The following CASR variants were observed in gnomAD, a reference collection of about 807,000 sequenced individuals.
The protein encoded by CASR is calcium sensing receptor, also known as extracellular calcium-sensing receptor.
CASR carries 23 observed loss-of-function variants against 69.1 expected under a neutral mutation model. The ratio of observed to expected loss-of-function variants is 0.33; its 90% CI spans 0.24 to 0.47. CASR has a LOEUF of 0.47. Among genes scored for constraint, CASR ranks in the 20% least tolerant of loss-of-function variants. The pLI, the probability that CASR is intolerant of heterozygous loss-of-function variation, is 1.00. For missense variants in CASR, 924 were observed against 1,356.1 expected (o/e 0.68, Z 5.00); for synonymous variants, 541 against 544.7 (o/e 0.99, Z 0.10).
At chr3:122,254,996 T>C (rs1221903487) in intron 2 of CASR, among the ~76,000 whole-genome samples, 5 of 131,680 alleles carry the variant, frequency 3.8e-5, no homozygotes, top group East Asian at 2.4e-4. Flanking sequence ...TGCATCTCAC[T>C]CTCTCAATAG....
rs752953216 is a variant in CASR at position 122,284,351 on chromosome 3, G to C, written c.2397G>C (p.Glu799Asp). The C allele has an allele frequency of 6.2e-7, 1 of 1,614,080 alleles. No individual in the cohort carries two copies. The highest frequency in any genetic ancestry group is 8.5e-7 in the Non-Finnish European group (1 of 1,180,028). The change falls in exon 7 of 7, where the codon GAG (glutamate) becomes GAC (aspartate). Residue 799 changes from glutamate to aspartate, a missense_variant. Glu to Asp is a conservative substitution (Grantham distance 45, BLOSUM62 2). Transcript: ENST00000639785. The part of the protein sequence containing the change: ...FFAFKSRKLP[E>D]NFNEAKFITF... ...CCTTCAAGTCCCGGAAGCTGCCGGA[G>C]AACTTCAATGAAGCCAAGTTCATCA...
chr3:122,225,050 A>G (rs896055398), intron 1 of CASR, among the ~76,000 whole-genome samples: 5 of 152,172 alleles, frequency 3.3e-5, no homozygotes, highest in Non-Finnish European at 7.4e-5. Context: ...TCCTTTCACC[A>G]TATACAAAAA....
intron 1 of CASR, among the ~76,000 whole-genome samples, chr3:122,240,387 T>A (rs1425152929): frequency 6.6e-6 from 1 of 152,194 alleles, no homozygotes; most frequent in African/African-American, 2.4e-5. Context: ...GGACTAGCTA[T>A]ACTTATATCA....
intron 4 of CASR, among the ~76,000 whole-genome samples, chr3:122,267,340 A>G (rs538891861): frequency 6.6e-6 from 1 of 152,366 alleles, no homozygotes; most frequent in South Asian, 2.1e-4. Context: ...TTTTGAGTAG[A>G]AAATATTCCA....
chr3:122,258,222 T>C (rs555138910), intron 3 of CASR, among the ~76,000 whole-genome samples: 14 of 152,338 alleles, frequency 9.2e-5, no homozygotes, highest in South Asian at 4.1e-4. Flanking sequence ...GAGAATCAGC[T>C]CAATTGTGAT....
Position 122,285,414 on chromosome 3 carries a change from A to ACC in CASR, c.*223_*224insCC. 3 of 498,426 alleles carry ACC rather than the reference A, an allele frequency of 6.0e-6. No individual in the cohort carries two copies. Among genetic ancestry groups the ACC allele is most frequent in the Non-Finnish European group, 3.6e-6 (1 of 274,412 alleles). The allele number at this position is 498,426 out of a possible 1,614,324, so 30.9% of individuals were successfully genotyped here. A position where few individuals can be genotyped will look rare whatever the true frequency, so the allele number is the denominator to read the frequency against. On this transcript the variant is annotated 3_prime_UTR_variant, in exon 7 of 7. Transcript: ENST00000639785. ...TGTGTTTCTGTGGTTGCATTTGTCA[A>ACC]AGCATTGAGATCTCCACGGTCAGAT...
At chr3:122,273,556 A>G (rs1307629679) in intron 4 of CASR, among the ~76,000 whole-genome samples, 2 of 152,132 alleles carry the variant, frequency 1.3e-5, no homozygotes, top group Admixed American at 1.3e-4. Context: ...TGGAAACTCT[A>G]TGATTAGGAT....
chr3:122,203,865 T>TG (rs1440760213), intron 1 of CASR, among the ~76,000 whole-genome samples: 1 of 152,250 alleles, frequency 6.6e-6, no homozygotes. Flanking sequence ...TTGTAGTGTA[T>TG]GACTATATTT....
At chr3:122,199,266 G>T (rs2107585769) in intron 1 of CASR, among the ~76,000 whole-genome samples, 1 of 152,322 alleles carries the variant, frequency 6.6e-6, no homozygotes, top group South Asian at 2.1e-4. Flanking sequence ...TCCACTGCAA[G>T]TTCTTCCTCT....
At chr3:122,204,858 C>T (rs2073991412) in intron 1 of CASR, among the ~76,000 whole-genome samples, 1 of 152,010 alleles carries the variant, frequency 6.6e-6, no homozygotes, top group Admixed American at 6.5e-5. Context: ...TACTTGTCAA[C>T]CATTTGTATG....
At chr3:122,190,444 C>T (rs4678031) in intron 1 of CASR, among the ~76,000 whole-genome samples, 26,150 of 152,148 alleles carry the variant, frequency 0.17, 2,336 homozygotes, top group African/African-American at 0.2. Context: ...ATTAGACTAC[C>T]CGAGCTTGTA....
rs761519187 is a variant in CASR at position 122,257,350 on chromosome 3, C to T, written c.455C>T (p.Ala152Val). 4.3e-6 allele frequency: 7 copies of T among 1,614,010 alleles called. No individual in the cohort carries two copies. The East Asian group carries it at 1.1e-4, about 26-fold the overall frequency. ...VGATGSGVSTAVANLLGLFYI... is the reference protein window; with the variant it reads ...VGATGSGVSTVVANLLGLFYI... ...GCAACTGGCTCAGGCGTCTCCACGG[C>T]AGTGGCAAATCTGCTGGGGCTCTTC... Residue 152 changes from alanine to valine, a missense_variant, in exon 3 of 7, where the codon GCA becomes GTA. This residue lies in a region of CASR where 141 missense variants were observed against 283.0 expected (regional missense o/e 0.50). Coordinates refer to ENST00000639785, the MANE Select transcript of CASR (RefSeq NM_000388.4).
Position 122,254,205 on chromosome 3 carries a change from T to A in CASR, c.16T>A (p.Cys6Ser). The A allele has an allele frequency of 6.2e-7, 1 of 1,613,218 alleles. No homozygotes were observed. Among genetic ancestry groups the A allele is most frequent in the Non-Finnish European group, 8.5e-7 (1 of 1,180,018 alleles). ...CGGCAGAACCATGGCATTTTATAGC[T>A]GCTGCTGGGTCCTCTTGGCACTCAC... The part of the protein sequence containing the change: MAFYS[C>S]CWVLLALTWH... Residue 6 changes from cysteine (C) to serine (S), a missense_variant, in exon 2 of 7, where the codon TGC becomes AGC. Physicochemically the swap from Cys to Ser is moderately radical, Grantham distance 112. Coordinates refer to ENST00000639785, the MANE Select transcript of CASR (RefSeq NM_000388.4).
In CASR at chr3:122,262,054, G is replaced by A. The variant is rs768228172; in HGVS notation, c.1019G>A (p.Arg340Lys). The A allele has an allele frequency of 3.7e-6, 6 of 1,614,162 alleles. No individual in the cohort carries two copies. Among genetic ancestry groups the A allele is most frequent in the Non-Finnish European group, 5.1e-6 (6 of 1,180,032 alleles). ...GAATTCCTGAAGAAGGTCCATCCCA[G>A]GAAGTCTGTCCACAATGGTTTTGCC... ...FREFLKKVHP[R>K]KSVHNGFAKE... The change falls in exon 4 of 7, where the codon AGG (arginine) becomes AAG (lysine). Residue 340 changes from arginine (R) to lysine (K), a missense_variant. Arg to Lys is a conservative substitution (Grantham distance 26). Transcript: ENST00000639785.
intron 4 of CASR, among the ~76,000 whole-genome samples, chr3:122,269,360 A>ATGCCCTTTATAGAGTTGAGAAAG (rs2074730566): frequency 1.3e-5 from 2 of 152,314 alleles, no homozygotes; most frequent in Non-Finnish European, 2.9e-5. Context: ...ACTTTCATAG[A>ATGCCCTTTATAGAGTTGAGAAAG]TGCCCTTTAT....
intron 1 of CASR, chr3:122,247,409 T>C (rs1431272233): frequency 1.3e-5 from 2 of 152,202 alleles, no homozygotes; most frequent in Non-Finnish European, 2.9e-5. Context: ...TCCACAGAAA[T>C]GTTTCTTTTA....
intron 1 of CASR, among the ~76,000 whole-genome samples, chr3:122,248,081 C>T (rs1448980934): frequency 6.6e-6 from 1 of 152,200 alleles, no homozygotes; most frequent in Non-Finnish European, 1.5e-5. Flanking sequence ...CAGCAGAAGC[C>T]GGGCTTGGGC....
chr3:122,221,868 A>G (rs1428755379), intron 1 of CASR, among the ~76,000 whole-genome samples: 2 of 152,222 alleles, frequency 1.3e-5, no homozygotes, highest in Non-Finnish European at 2.9e-5. Flanking sequence ...TGGCAAATGT[A>G]TAATACCTTT....
intron 4 of CASR, among the ~76,000 whole-genome samples, chr3:122,270,379 G>A (rs1230411447): frequency 6.6e-6 from 1 of 152,114 alleles, no homozygotes; most frequent in Admixed American, 6.5e-5. Flanking sequence ...TTGTAAATAT[G>A]CATCTTCTCC....
Sources: gnomAD v4.1 joint callset for allele counts (sites outside exome capture counted in the v4.1 genomes callset) on GRCh38, gnomAD v4.1.1 for gene constraint, gnomAD v4.1.1 regional missense constraint, MANE v1.5 for transcripts, NCBI Gene and HGNC (gene_info 2026-07-23, HGNC 2026-07-21) for gene names.